The following TIAM1 variants were observed in gnomAD, a reference collection of about 807,000 sequenced individuals.
TIAM1 encodes rho guanine nucleotide exchange factor TIAM1.
In TIAM1, 65 loss-of-function variants were observed where a neutral mutation model predicts 163.5. The ratio of observed to expected loss-of-function variants is 0.40; its 90% confidence interval spans 0.33 to 0.49. The LOEUF (loss-of-function observed/expected upper bound fraction) is 0.49. Ranked by LOEUF, TIAM1 falls within the 20% of genes least tolerant of loss-of-function variation. TIAM1 has a pLI of 0.77. For missense variants in TIAM1, 1,789 were observed against 2,044.7 expected (o/e 0.87, Z 2.41); for synonymous variants, 833 against 810.1 (o/e 1.03, Z -0.48).
At chr21:31,446,176 G>C (rs1360279037) in intron 2 of TIAM1, among the ~76,000 whole-genome samples, 1 of 151,996 alleles carries the variant, frequency 6.6e-6, no homozygotes, top group African/African-American at 2.4e-5. Flanking sequence ...CCTGACCTCA[G>C]GTGATCCACC....
At position 31,340,288 on chromosome 21, in the gene TIAM1, G is replaced by A. The variant is rs537803392; in HGVS notation, c.-368-866C>T. ...GACCCTAAGAAGAACCAATGGCTCA[G>A]GGTTGGGCAAACTCAATAACGCTAC... is the stretch of plus-strand genomic sequence containing the variant. On this transcript the variant is annotated intron_variant, in intron 1 of 27. Transcript: ENST00000541036. Among the ~76,000 whole-genome samples the A allele has an allele frequency of 2.6e-5, 4 of 152,026 alleles. No individual in the cohort carries two copies. The South Asian group carries it at 8.3e-4, about 32-fold the overall frequency.
chr21:31,384,922 C>T (rs543295485), intron 2 of TIAM1, among the ~76,000 whole-genome samples: 12 of 152,288 alleles, frequency 7.9e-5, no homozygotes, highest in African/African-American at 2.9e-4. Context: ...ACCTCACACC[C>T]ACACAAGCAC....
intron 2 of TIAM1, among the ~76,000 whole-genome samples, chr21:31,382,553 T>C (rs2076795827): frequency 6.6e-6 from 1 of 152,220 alleles, no homozygotes; most frequent in African/African-American, 2.4e-5. Context: ...TCTGTTTTTT[T>C]CCGAAAGACT....
In TIAM1 at chr21:31,141,512, G is replaced by C. The variant is rs751036012; in HGVS notation, c.3476-8C>G. The C allele has an allele frequency of 6.2e-7, 1 of 1,613,266 alleles. No individual in the cohort carries two copies. Among genetic ancestry groups the C allele is most frequent in the Non-Finnish European group, 8.5e-7 (1 of 1,179,710 alleles). On this transcript the variant is annotated splice_region_variant and splice_polypyrimidine_tract_variant and intron_variant, in intron 20 of 27. Transcript: ENST00000541036. This position sits in a 1 kb window ranked among gnomAD's most constrained non-coding sequence, Gnocchi z 4.7. ...AAGCCGTGTCTGTCTTGGCTGGCAG[G>C]GTTTAAACACAGGTCATGGGGGTGG...
chr21:31,120,763 C>T lies in TIAM1; in HGVS notation c.4381G>A (p.Ala1461Thr). 1.9e-6 allele frequency: 3 copies of T among 1,614,056 alleles called. No individual in the cohort carries two copies. The highest frequency in any genetic ancestry group is 2.5e-6 in the Non-Finnish European group (3 of 1,180,036). Residue 1461 changes from alanine to threonine, a missense_variant, in exon 28 of 28, where the codon GCC becomes ACC. Coordinates refer to ENST00000541036, the MANE Select transcript of TIAM1 (RefSeq NM_001353694.2). This position sits in a 1 kb window ranked among gnomAD's most constrained non-coding sequence, Gnocchi z 4.2. ...ARNRFTIDSD[A>T]VSASSPEKES... The stretch of plus-strand genomic sequence containing the variant: ...TTCTCCGGGCTGCTTGCGGAGACGG[C>T]ATCAGAATCAATGGTAAACCTGTTT...
At chr21:31,508,822 G>A (rs555428330) in intron 1 of TIAM1, among the ~76,000 whole-genome samples, 33 of 152,154 alleles carry the variant, frequency 2.2e-4, no homozygotes, top group Admixed American at 1.6e-3. Context: ...AGGTTCCCAC[G>A]GAGTCTTTTT....
chr21:31,372,622 G>A (rs2076614654), intron 2 of TIAM1, among the ~76,000 whole-genome samples: 1 of 152,124 alleles, frequency 6.6e-6, no homozygotes. Flanking sequence ...TAGGGGTGGG[G>A]GCAGGGTTTG....
chr21:31,489,577 C>T (rs1569377985), intron 1 of TIAM1, among the ~76,000 whole-genome samples: 1 of 150,978 alleles, frequency 6.6e-6, no homozygotes, highest in South Asian at 2.1e-4. Flanking sequence ...GCAGACCCCC[C>T]CCCCCTTGGC....
At chr21:31,136,210 T>C (rs1374665220) in intron 22 of TIAM1, among the ~76,000 whole-genome samples, 169 bp from the exon 23 acceptor site, 1 of 152,232 alleles carries the variant, frequency 6.6e-6, no homozygotes, top group Non-Finnish European at 1.5e-5. Context: ...CTGCTGGATT[T>C]AGCCATTCCA....
intron 3 of TIAM1, 53 bp from the exon 4 acceptor site, chr21:31,267,036 T>TA: frequency 6.6e-7 from 1 of 1,518,834 alleles, no homozygotes; most frequent in Non-Finnish European, 8.8e-7. Flanking sequence ...AGTACAGGTA[T>TA]AGGCATCTTA....
At chr21:31,139,205 G>A (rs773321889) in intron 22 of TIAM1, among the ~76,000 whole-genome samples, 18 of 151,592 alleles carry the variant, frequency 1.2e-4, no homozygotes, top group Non-Finnish European at 2.1e-4. Flanking sequence ...TATCCATTTC[G>A]CCTTCTAATC....
chr21:31,399,979 C>T (rs1471713416), intron 2 of TIAM1, among the ~76,000 whole-genome samples: 1 of 152,068 alleles, frequency 6.6e-6, no homozygotes, highest in Non-Finnish European at 1.5e-5. Context: ...CATACACTCA[C>T]TCACACATAT....
chr21:31,536,416 G>T (rs190518086), intron 1 of TIAM1, among the ~76,000 whole-genome samples: 2 of 152,282 alleles, frequency 1.3e-5, no homozygotes, highest in East Asian at 3.9e-4. Context: ...CAAGCAAATG[G>T]TGCAATCTGG....
intron 11 of TIAM1, among the ~76,000 whole-genome samples, chr21:31,208,832 T>C (rs899532119): frequency 2.0e-5 from 3 of 152,332 alleles, no homozygotes; most frequent in African/African-American, 7.2e-5. Flanking sequence ...ATTGAGGTAC[T>C]TGCGGAGGTA....
chr21:31,393,652 C>T (rs1048039587), intron 2 of TIAM1, among the ~76,000 whole-genome samples: 4 of 152,154 alleles, frequency 2.6e-5, no homozygotes, highest in Non-Finnish European at 2.9e-5. Context: ...CCTCCTTGGA[C>T]TTCAGTTGTT....
chr21:31,220,272 C>T (rs1400125426), intron 8 of TIAM1, among the ~76,000 whole-genome samples: 3 of 152,222 alleles, frequency 2.0e-5, no homozygotes, highest in Admixed American at 1.3e-4. Context: ...AGGACAGGAT[C>T]TCTGCGCTGT....
At chr21:31,391,731 A>G (rs115641140) in intron 2 of TIAM1, among the ~76,000 whole-genome samples, 87 of 152,368 alleles carry the variant, frequency 5.7e-4, no homozygotes, top group African/African-American at 2.0e-3. Flanking sequence ...ATCCAGACAA[A>G]GGTTATATGT....
intron 1 of TIAM1, among the ~76,000 whole-genome samples, chr21:31,505,865 C>A (rs557151244): frequency 6.6e-6 from 1 of 151,828 alleles, no homozygotes; most frequent in African/African-American, 2.4e-5. Flanking sequence ...AAAAATTAGC[C>A]GGACGTGGTG....
chr21:31,137,883 C>G (rs565517213), intron 22 of TIAM1, among the ~76,000 whole-genome samples: 1 of 149,628 alleles, frequency 6.7e-6, no homozygotes, highest in South Asian at 2.2e-4. Context: ...AAGCCACATA[C>G]GAGATAAATA....
Sources: allele counts gnomAD v4.1 joint callset (sites outside exome capture counted in the v4.1 genomes callset), GRCh38; gene constraint gnomAD v4.1.1; non-coding constraint Gnocchi (gnomAD v3.1); transcripts MANE v1.5; gene names NCBI Gene and HGNC (gene_info 2026-07-23, HGNC 2026-07-21).